The following MLLT10 variants were observed in gnomAD, a reference collection of about 807,000 sequenced individuals.
MLLT10 encodes the protein MLLT10 histone lysine methyltransferase DOT1L cofactor.
A neutral mutation model predicts 129.1 loss-of-function variants in MLLT10; 30 were observed. The ratio of observed to expected loss-of-function variants is 0.23; its 90% confidence interval spans 0.17 to 0.32. The LOEUF (loss-of-function observed/expected upper bound fraction) is 0.32. Ranked by LOEUF, MLLT10 falls within the 10% of genes least tolerant of loss-of-function variation. The pLI, the probability that MLLT10 is intolerant of heterozygous loss-of-function variation, is 1.00. For synonymous variants in MLLT10, 490 were observed against 446.4 expected (o/e 1.10, Z -1.23); for missense variants, 1,119 against 1,268.3 (o/e 0.88, Z 1.79).
intron 9 of MLLT10, among the ~76,000 whole-genome samples, chr10:21,653,824 G>T (rs2049292072): frequency 6.6e-6 from 1 of 152,280 alleles, no homozygotes; most frequent in South Asian, 2.1e-4. Context: ...CTCAACTTTG[G>T]ATATTAAATG....
intron 8 of MLLT10, among the ~76,000 whole-genome samples, chr10:21,637,501 A>G (rs951852064): frequency 6.6e-6 from 1 of 152,166 alleles, no homozygotes; most frequent in African/African-American, 2.4e-5. Flanking sequence ...CAGGTCTTTG[A>G]AATTTATTGG....
Position 21,534,655 on chromosome 10 carries a change from G to A in MLLT10, c.11G>A (p.Ser4Asn). The part of the protein sequence containing the change: MVS[S>N]DRPVSLEDEV... ...CCAACTCCCTCTTAGATGGTCTCTA[G>A]CGACCGGCCCGTGTCACTGGAGGAC... The change falls in exon 2 of 23, where the codon AGC becomes AAC. Residue 4 changes from serine to asparagine, a missense_variant. By Grantham distance (46) the Ser-to-Asn change is conservative (BLOSUM62 1). This residue lies in a region of MLLT10 where 35 missense variants were observed against 26.0 expected (regional missense o/e 1.35). Coordinates refer to ENST00000307729, the MANE Select transcript of MLLT10 (RefSeq NM_001195626.3). 10 of 1,609,386 alleles carry A rather than the reference G, an allele frequency of 6.2e-6. No individual in the cohort carries two copies. The highest frequency in any genetic ancestry group is 8.5e-6 in the Non-Finnish European group (10 of 1,177,508).
intron 3 of MLLT10, among the ~76,000 whole-genome samples, chr10:21,539,858 T>C (rs1229420874): frequency 6.6e-6 from 1 of 151,746 alleles, no homozygotes; most frequent in South Asian, 2.1e-4. Context: ...GGCAGGAGAA[T>C]GGCGTGAACC....
intron 13 of MLLT10, among the ~76,000 whole-genome samples, chr10:21,695,878 G>GC (rs2054310122): frequency 6.7e-6 from 1 of 148,768 alleles, no homozygotes; most frequent in East Asian, 1.9e-4. Flanking sequence ...CCTATCCAGA[G>GC]CATAGACCAA....
At chr10:21,622,153 C>CTTTT (rs71393915) in intron 8 of MLLT10, among the ~76,000 whole-genome samples, 19 of 99,792 alleles carry the variant, frequency 1.9e-4, no homozygotes, top group East Asian at 1.5e-3. Context: ...TTTGTTTTTC[C>CTTTT]TTTTTTTTTT....
At chr10:21,574,284 A>C (rs191990361) in intron 3 of MLLT10, among the ~76,000 whole-genome samples, 1 of 152,160 alleles carries the variant, frequency 6.6e-6, no homozygotes, top group Non-Finnish European at 1.5e-5. Flanking sequence ...TGGCCTTCTT[A>C]ATATCTTTGG....
At chr10:21,734,243 G>A in intron 20 of MLLT10, 114 bp downstream of exon 20, 8 of 1,285,858 alleles carry the variant, frequency 6.2e-6, no homozygotes, top group Non-Finnish European at 8.4e-6. Context: ...TAAGAAGTCT[G>A]CCAAAAATTT....
At chr10:21,723,104 T>C (rs1250595490) in intron 14 of MLLT10, among the ~76,000 whole-genome samples, 1 of 152,234 alleles carries the variant, frequency 6.6e-6, no homozygotes, top group Admixed American at 6.5e-5. Context: ...TATCAACTTT[T>C]GCCAGCCATC....
chr10:21,711,379 A>AC lies in MLLT10; in HGVS notation c.1700-2391dup, dbSNP rs1424131596. 2.0e-5 allele frequency among the ~76,000 whole-genome samples: 3 copies of AC among 151,636 alleles called. 1 individual carries two copies. The East Asian group carries it at 5.8e-4, about 29-fold the overall frequency. On this transcript the variant is annotated intron_variant, in intron 13 of 22. Transcript: ENST00000307729. The stretch of plus-strand genomic sequence containing the variant: ...AGAGGTTACAGCGAGCCGAGATTGC[A>AC]CCACTGCACTCCAGCCTGGGCAACA...
chr10:21,535,104 C>G (rs1053179652), intron 2 of MLLT10, among the ~76,000 whole-genome samples: 2 of 110,840 alleles, frequency 1.8e-5, no homozygotes, highest in Non-Finnish European at 3.7e-5. Context: ...GCCGCGCCCT[C>G]GAGATCTGGG....
chr10:21,640,407 A>T (rs1468036756), intron 8 of MLLT10, among the ~76,000 whole-genome samples: 1 of 150,770 alleles, frequency 6.6e-6, no homozygotes, highest in South Asian at 2.1e-4. Flanking sequence ...ACAGAAGTCT[A>T]TCATTTGATC....
At chr10:21,662,082 C>G (rs562910164) in intron 9 of MLLT10, among the ~76,000 whole-genome samples, 1 of 152,104 alleles carries the variant, frequency 6.6e-6, no homozygotes, top group East Asian at 1.9e-4. Context: ...TTTTCTGAGG[C>G]AAATTCAGAT....
chr10:21,595,974 C>T (rs1345584619), intron 5 of MLLT10, among the ~76,000 whole-genome samples: 3 of 151,610 alleles, frequency 2.0e-5, no homozygotes, highest in Non-Finnish European at 4.4e-5. Context: ...TTGTTTTATT[C>T]TCCTGTGCAT....
At chr10:21,572,829 G>T (rs545906988) in intron 3 of MLLT10, among the ~76,000 whole-genome samples, 2 of 152,082 alleles carry the variant, frequency 1.3e-5, no homozygotes, top group East Asian at 3.9e-4. Context: ...GGCCAGGCTG[G>T]TCAACTCCTG....
At chr10:21,704,856 G>A (rs1225915765) in intron 13 of MLLT10, among the ~76,000 whole-genome samples, 1 of 152,198 alleles carries the variant, frequency 6.6e-6, no homozygotes, top group African/African-American at 2.4e-5. Flanking sequence ...ATTTTTCTCA[G>A]TGGTTTAGGG....
intron 16 of MLLT10, 66 bp downstream of exon 16, chr10:21,727,994 C>T: frequency 7.6e-7 from 1 of 1,312,160 alleles, no homozygotes; most frequent in Non-Finnish European, 1.1e-6. Flanking sequence ...ACTTTCTTAT[C>T]TCATATCAGT....
intron 5 of MLLT10, among the ~76,000 whole-genome samples, chr10:21,609,768 C>G (rs1191960741): frequency 6.6e-6 from 1 of 152,126 alleles, no homozygotes; most frequent in Non-Finnish European, 1.5e-5. Context: ...AGTGAGTACA[C>G]TGGAAAATAG....
At chr10:21,535,222 C>T (rs1192442029) in intron 2 of MLLT10, among the ~76,000 whole-genome samples, 3 of 152,158 alleles carry the variant, frequency 2.0e-5, no homozygotes, top group Non-Finnish European at 4.4e-5. Flanking sequence ...CTCCCCTGGC[C>T]TGCAGCCGCC....
intron 22 of MLLT10, among the ~76,000 whole-genome samples, chr10:21,741,375 C>G (rs542896579): frequency 6.6e-6 from 1 of 152,230 alleles, no homozygotes; most frequent in Non-Finnish European, 1.5e-5. Flanking sequence ...AATGGAAAAT[C>G]ACAGTAATTT....
Sources: gnomAD v4.1 joint callset for allele counts (sites outside exome capture counted in the v4.1 genomes callset) on GRCh38, gnomAD v4.1.1 for gene constraint, gnomAD v4.1.1 regional missense constraint, MANE v1.5 for transcripts, NCBI Gene and HGNC (gene_info 2026-07-23, HGNC 2026-07-21) for gene names.